The following PLXNA4 variants were observed in gnomAD, a reference collection of about 807,000 sequenced individuals.
The protein encoded by PLXNA4 is plexin A4.
In PLXNA4, 44 loss-of-function variants were observed where a neutral mutation model predicts 191.8. The observed-to-expected ratio is 0.23, with a 90% CI of 0.18 to 0.29. The LOEUF is 0.29. Among genes scored for constraint, PLXNA4 ranks in the 10% least tolerant of loss-of-function variants. The pLI is 1.00. For missense variants in PLXNA4, 1,800 were observed against 2,488.8 expected (o/e 0.72, Z 5.89); for synonymous variants, 1,082 against 1,009.5 (o/e 1.07, Z -1.36).
intron 3 of PLXNA4, among the ~76,000 whole-genome samples, chr7:132,466,493 C>T (rs1311190560): frequency 6.6e-6 from 1 of 152,222 alleles, no homozygotes; most frequent in African/African-American, 2.4e-5. Context: ...AAAGAGTTAG[C>T]AGATGTAAAT....
intron 3 of PLXNA4, among the ~76,000 whole-genome samples, chr7:132,370,126 T>G (rs560788406): frequency 9.9e-5 from 15 of 151,834 alleles, no homozygotes; most frequent in African/African-American, 3.4e-4. Context: ...TGAGCTCCCT[T>G]GCAAGGAGAA....
At position 132,168,421 on chromosome 7, in the gene PLXNA4, A is replaced by G; in HGVS notation, c.4169T>C (p.Ile1390Thr). 6.2e-7 allele frequency: 1 copy of G among 1,614,028 alleles called. No individual in the cohort carries two copies. Among genetic ancestry groups the G allele is most frequent in the Non-Finnish European group, 8.5e-7 (1 of 1,179,932 alleles). Reference sequence around the variant, plus strand: ...CAGCTTGCTCTGCAGCACGGTCATGATGAGTGAGGCCACGTTGCCACGGTC... The same window carrying G: ...CAGCTTGCTCTGCAGCACGGTCATGGTGAGTGAGGCCACGTTGCCACGGTC... The part of the protein sequence containing the change: ...MRDRGNVASL[I>T]MTVLQSKLEY... Residue 1390 changes from isoleucine to threonine, a missense_variant, in exon 22 of 32, where the codon ATC (isoleucine) becomes ACC (threonine). This residue lies in a region of PLXNA4 where 1,397 missense variants were observed against 1,880.4 expected (regional missense o/e 0.74). Coordinates refer to ENST00000321063, the MANE Select transcript of PLXNA4 (RefSeq NM_020911.2).
At chr7:132,638,389 C>T (rs956721953) in intron 2 of PLXNA4, among the ~76,000 whole-genome samples, 9 of 152,200 alleles carry the variant, frequency 5.9e-5, no homozygotes, top group African/African-American at 2.2e-4. Flanking sequence ...TGGTGGCTCA[C>T]GCCTGTAATC....
chr7:132,376,014 T>C (rs1480073295), intron 3 of PLXNA4, among the ~76,000 whole-genome samples: 1 of 152,202 alleles, frequency 6.6e-6, no homozygotes, highest in Non-Finnish European at 1.5e-5. Flanking sequence ...GGCATGACCT[T>C]AGACCAATGC....
In PLXNA4 at chr7:132,621,487, T is replaced by C. The variant is rs142228230; in HGVS notation, c.-87+24441A>G. Among the ~76,000 whole-genome samples, 947 of 152,228 alleles carry C rather than the reference T, an allele frequency of 6.2e-3. 6 individuals carry two copies. Among genetic ancestry groups the C allele is most frequent in the African/African-American group, 0.022 (912 of 41,548 alleles). On this transcript the variant is annotated intron_variant, in intron 2 of 4. Transcript: ENST00000378539. ...TGTTGGCCAGGATGGTCTCCATCTT[T>C]TGACTTCATGATCTGCCCGCCTCAG...
intron 3 of PLXNA4, among the ~76,000 whole-genome samples, chr7:132,453,044 C>T (rs962813189): frequency 6.6e-6 from 1 of 152,028 alleles, no homozygotes. Context: ...CCACGCACCA[C>T]GTTCTAGTTT....
chr7:132,352,365 G>C (rs562649931), intron 3 of PLXNA4: 42 of 152,348 alleles, frequency 2.8e-4, no homozygotes, highest in African/African-American at 8.4e-4. Flanking sequence ...CCGAGGCTGG[G>C]CAGCAGACTT....
At chr7:132,584,356 C>T in intron 2 of PLXNA4, among the ~76,000 whole-genome samples, 1 of 152,140 alleles carries the variant, frequency 6.6e-6, no homozygotes, top group East Asian at 1.9e-4. Context: ...TAAACTGAGC[C>T]AAGAGATGCT....
At chr7:132,561,296 T>C (rs1470568197) in intron 1 of PLXNA4, among the ~76,000 whole-genome samples, 27 of 136,528 alleles carry the variant, frequency 2.0e-4, no homozygotes, top group Middle Eastern at 8.3e-3. Context: ...TCCTCCTCCT[T>C]CTCCTCCTCT....
At chr7:132,285,890 G>A (rs1351298489) in intron 4 of PLXNA4, among the ~76,000 whole-genome samples, 1 of 152,104 alleles carries the variant, frequency 6.6e-6, no homozygotes, top group Non-Finnish European at 1.5e-5. Flanking sequence ...CCAACACCTG[G>A]CCTGTTGAGA....
Position 132,184,139 on chromosome 7 carries a change from AT to A in PLXNA4, c.3158+1159del, listed in dbSNP as rs371480918. ...CTCAGCCCGGGGAGACCACTTCTGCATGTACTTCCTGCTCACTCCCCCAGCC... is the reference window on the plus strand; with the variant it reads ...CTCAGCCCGGGGAGACCACTTCTGCAGTACTTCCTGCTCACTCCCCCAGCC... On this transcript the variant is annotated intron_variant, in intron 16 of 31. Coordinates refer to ENST00000321063, the MANE Select transcript of PLXNA4 (RefSeq NM_020911.2). Among the ~76,000 whole-genome samples the A allele has an allele frequency of 1.4e-4, 21 of 152,288 alleles. No individual in the cohort carries two copies. The Middle Eastern group carries it at 0.01, about 74-fold the overall frequency.
chr7:132,625,979 G>A (rs1483411120), intron 2 of PLXNA4, among the ~76,000 whole-genome samples: 4 of 152,150 alleles, frequency 2.6e-5, no homozygotes, highest in African/African-American at 9.7e-5. Context: ...GTCTGAAATA[G>A]AAGCTTTAAG....
chr7:132,339,003 A>C (rs1802922763), intron 3 of PLXNA4, among the ~76,000 whole-genome samples: 1 of 152,278 alleles, frequency 6.6e-6, no homozygotes, highest in South Asian at 2.1e-4. Flanking sequence ...GTGATGACTG[A>C]AGAGGAGGAA....
At chr7:132,456,165 T>C (rs1219833823) in intron 3 of PLXNA4, among the ~76,000 whole-genome samples, 1 of 147,936 alleles carries the variant, frequency 6.8e-6, no homozygotes, top group Admixed American at 6.9e-5. Flanking sequence ...CAGGTTGGAG[T>C]GCAGTGGCAC....
intron 16 of PLXNA4, 87 bp downstream of exon 16, chr7:132,185,212 G>A (rs1036689424): frequency 1.9e-5 from 29 of 1,496,736 alleles, no homozygotes; most frequent in Admixed American, 4.2e-5. Context: ...GCAGGACTGG[G>A]CCCCCAGAAC....
chr7:132,232,587 G>A (rs991980805), intron 5 of PLXNA4, among the ~76,000 whole-genome samples: 1 of 152,142 alleles, frequency 6.6e-6, no homozygotes, highest in African/African-American at 2.4e-5. Flanking sequence ...CCCTTGGGGA[G>A]AAAGGCTCTA....
intron 3 of PLXNA4, among the ~76,000 whole-genome samples, chr7:132,386,907 C>A (rs1805172226): frequency 6.6e-6 from 1 of 152,186 alleles, no homozygotes; most frequent in Non-Finnish European, 1.5e-5. Flanking sequence ...TTTGAAGGGC[C>A]ATTCTGTAAA....
intron 15 of PLXNA4, among the ~76,000 whole-genome samples, chr7:132,186,662 G>C (rs935867748): frequency 3.9e-5 from 6 of 152,192 alleles, no homozygotes; most frequent in Non-Finnish European, 8.8e-5. Flanking sequence ...TTCTGACATA[G>C]AAAAATTATC....
At chr7:132,305,993 A>AG (rs1299565150) in intron 3 of PLXNA4, among the ~76,000 whole-genome samples, 3 of 152,088 alleles carry the variant, frequency 2.0e-5, no homozygotes, top group Non-Finnish European at 4.4e-5. Context: ...GTAGATGGAG[A>AG]GGGGAACAGA....
Sources: gnomAD v4.1 joint callset for allele counts (sites outside exome capture counted in the v4.1 genomes callset) on GRCh38, gnomAD v4.1.1 for gene constraint, gnomAD v4.1.1 regional missense constraint, MANE v1.5 for transcripts, NCBI Gene and HGNC (gene_info 2026-07-23, HGNC 2026-07-21) for gene names.